MORC2: variants seen among roughly 807,000 people sequenced by gnomAD.
MORC2 encodes ATPase MORC2.
Under a neutral mutation model 136.0 loss-of-function variants are expected in MORC2, and 30 were observed. The ratio of observed to expected loss-of-function variants is 0.22; its 90% CI spans 0.17 to 0.30. The LOEUF (loss-of-function observed/expected upper bound fraction) is 0.30, where lower values mean the gene tolerates loss of function less well. Among genes scored for constraint, MORC2 ranks in the 10% least tolerant of loss-of-function variants. MORC2 has a pLI of 1.00. For missense variants in MORC2, 922 were observed against 1,333.1 expected (o/e 0.69, Z 4.80); for synonymous variants, 439 against 487.0 (o/e 0.90, Z 1.30).
intron 1 of MORC2, among the ~76,000 whole-genome samples, chr22:30,965,411 T>C (rs945837799): frequency 1.3e-5 from 2 of 152,212 alleles, no homozygotes; most frequent in Non-Finnish European, 2.9e-5. Flanking sequence ...AAAATTTATT[T>C]TCTCTATAAA....
At chr22:30,950,284 G>A in intron 4 of MORC2, 93 bp downstream of exon 4, 1 of 1,312,218 alleles carries the variant, frequency 7.6e-7, no homozygotes, top group Non-Finnish European at 1.1e-6. Context: ...TAACATTGGA[G>A]GCAACAGAAA....
chr22:30,935,116 C>T lies in MORC2; in HGVS notation c.1858G>A (p.Ala620Thr), dbSNP rs1459400105. The T allele has an allele frequency of 6.2e-7, 1 of 1,613,550 alleles. No homozygotes were observed. The highest frequency in any genetic ancestry group is 8.5e-7 in the Non-Finnish European group (1 of 1,179,842). The change falls in exon 19 of 26, where the codon GCT (alanine) becomes ACT (threonine). Residue 620 changes from alanine to threonine, a missense_variant. Ala to Thr is a moderately conservative substitution (Grantham distance 58). Transcript: ENST00000397641. The part of the protein sequence containing the change: ...PQRPRSPPLP[A>T]VIRNAPSRPP... ...CTGCTGGGGGCGTTCCTGATCACAG[C>T]AGGTAAAGGGGGCGACCGAGGACGC...
chr22:30,927,796 C>T (rs1055269719), intron 25 of MORC2, among the ~76,000 whole-genome samples: 13 of 152,298 alleles, frequency 8.5e-5, no homozygotes, highest in South Asian at 2.1e-4. Context: ...GGTTGTACGT[C>T]GGAATGTCTA....
rs774485829 is a variant in MORC2 at position 30,946,325 on chromosome 22, C to T, written c.426+16G>A. 35 of 1,590,110 alleles carry T rather than the reference C, an allele frequency of 2.2e-5. 1 individual carries two copies. In the South Asian group the frequency reaches 3.1e-4, roughly 14 times the overall value. Reference sequence around the variant, plus strand: ...AAATGAGGACTGGTGATGCAGACCACGATGATGGGACCTACTTCATCAATG... The same window carrying T: ...AAATGAGGACTGGTGATGCAGACCATGATGATGGGACCTACTTCATCAATG... On this transcript the variant is annotated intron_variant, in intron 6 of 25. Coordinates refer to ENST00000397641, the MANE Select transcript of MORC2 (RefSeq NM_001303256.3).
Position 30,942,247 on chromosome 22 carries a change from T to G in MORC2, c.451A>C (p.Asn151His). 6.2e-7 allele frequency: 1 copy of G among 1,612,768 alleles called. No individual in the cohort carries two copies. Among genetic ancestry groups the G allele is most frequent in the Non-Finnish European group, 8.5e-7 (1 of 1,179,990 alleles). Residue 151 changes from asparagine (N) to histidine (H), a missense_variant, in exon 7 of 26, where the codon AAT (asparagine) becomes CAT (histidine). Physicochemically the swap from Asn to His is moderately conservative, Grantham distance 68. Around this residue, in one of 9 missense-constraint regions of MORC2, gnomAD observed 261 missense variants for 354.3 expected, o/e 0.74. Coordinates refer to ENST00000397641, the MANE Select transcript of MORC2 (RefSeq NM_001303256.3). ...GTGACAGGTTCCCGGGTCCGAGCAT[T>G]CCAGGTGGGCAGTGGGACTATCACC... ...DEVIVPLPTW[N>H]ARTREPVTDN...
At chr22:30,951,182 C>G (rs1194521910) in intron 3 of MORC2, among the ~76,000 whole-genome samples, 1 of 152,218 alleles carries the variant, frequency 6.6e-6, no homozygotes, top group East Asian at 1.9e-4. Flanking sequence ...TGCACAGCAG[C>G]TGTGGTGGGG....
In MORC2 at chr22:30,934,914, C is replaced by G; in HGVS notation, c.2060G>C (p.Arg687Pro). ...CAGTTGCTGCACCAGAGGGGCAGGTCGGGATGCAGTCTTGACGAGAGTGTT... is the reference window on the plus strand; with the variant it reads ...CAGTTGCTGCACCAGAGGGGCAGGTGGGGATGCAGTCTTGACGAGAGTGTT... ...PANTLVKTAS[R>P]PAPLVQQLSP... The change falls in exon 19 of 26, where the codon CGA becomes CCA. Residue 687 changes from arginine (R) to proline (P), a missense_variant. Arg to Pro is a moderately radical substitution (Grantham distance 103). Around this residue, in one of 9 missense-constraint regions of MORC2, gnomAD observed 184 missense variants for 180.3 expected, o/e 1.02. Transcript: ENST00000397641. The surrounding 1 kb of genome is among the most constrained non-coding windows in gnomAD (Gnocchi z 4.4). The G allele has an allele frequency of 6.2e-7, 1 of 1,614,038 alleles. No individual in the cohort carries two copies. Among genetic ancestry groups the G allele is most frequent in the Non-Finnish European group, 8.5e-7 (1 of 1,180,008 alleles).
In MORC2 at chr22:30,965,811, T is replaced by TA. The variant is rs140039399; in HGVS notation, c.68+2010dup. Among the ~76,000 whole-genome samples the TA allele has an allele frequency of 7.1e-4, 108 of 152,344 alleles. 2 individuals are homozygous for TA. In the East Asian group the frequency reaches 0.013, roughly 19 times the overall value. ...TCCTTAGAGATTCATTGAGATAAAC[T>TA]AAAATTGAAGACTTTTAAACTGTGA... On this transcript the variant is annotated intron_variant, in intron 1 of 25. Coordinates refer to ENST00000397641, the MANE Select transcript of MORC2 (RefSeq NM_001303256.3).
At position 30,932,470 on chromosome 22, in the gene MORC2, A is replaced by C. The variant is rs1259536258; in HGVS notation, c.2748-18T>G. ...AACAATTCCTAAAGAAGGCAGGGAC[A>C]GTAATTCAGAATGGCATGGAGCAGG... On this transcript the variant is annotated intron_variant, in intron 23 of 25. Transcript: ENST00000397641. The surrounding 1 kb of genome is among the most constrained non-coding windows in gnomAD (Gnocchi z 4.4). 1.2e-6 allele frequency: 2 copies of C among 1,613,132 alleles called. No homozygotes were observed. Among genetic ancestry groups the C allele is most frequent in the East Asian group, 2.2e-5 (1 of 44,894 alleles).
Position 30,968,010 on chromosome 22 carries a change from T to A in MORC2, c.-121A>T. 1.2e-6 allele frequency: 1 copy of A among 845,092 alleles called. No homozygotes were observed. Among genetic ancestry groups the A allele is most frequent in the Non-Finnish European group, 1.9e-6 (1 of 523,468 alleles). The allele number at this position is 845,092 out of a possible 1,614,324, so 52.3% of individuals were successfully genotyped here. On this transcript the variant is annotated 5_prime_UTR_variant, in exon 1 of 26. Transcript: ENST00000397641. ...GTAAGTCTGTGCTCCTTAATGACAG[T>A]TAAAGTAACCTAGTAGCTATCCAAA... is the stretch of plus-strand genomic sequence containing the variant.
Position 30,946,417 on chromosome 22 carries a change from A to T in MORC2, c.350T>A (p.Leu117Gln). 1.2e-6 allele frequency: 2 copies of T among 1,611,294 alleles called. No individual in the cohort carries two copies. The highest frequency in any genetic ancestry group is 1.7e-4 in the Middle Eastern group (1 of 6,054). Reference sequence around the variant, plus strand: ...CATGGTGTCTTCCTTCTTGGTGAACAGGATAAAATCCTTCCCAATGCGCAT... The same window carrying T: ...CATGGTGTCTTCCTTCTTGGTGAACTGGATAAAATCCTTCCCAATGCGCAT... Reference protein sequence around the residue: ...GSMRIGKDFILFTKKEDTMTC... With the variant: ...GSMRIGKDFIQFTKKEDTMTC... Residue 117 changes from leucine to glutamine, a missense_variant, in exon 6 of 26, where the codon CTG becomes CAG. By Grantham distance (113) the Leu-to-Gln change is moderately radical (BLOSUM62 -2). Transcript: ENST00000397641.
Position 30,928,084 on chromosome 22 carries a change from C to A in MORC2, c.2965G>T (p.Glu989Ter). 1 of 1,614,116 alleles carries A rather than the reference C, an allele frequency of 6.2e-7. No homozygotes were observed. The highest frequency in any genetic ancestry group is 8.5e-7 in the Non-Finnish European group (1 of 1,180,032). ...AGCTTCTGCAGCTTCTCCTCCGTCT[C>A]GCGGAGCTTCCTCTCGGAGGTGCGC... ...SLRTSERKLR[E>*]TEEKLQKLRT... The change falls in exon 25 of 26, where the codon GAG becomes TAG. Residue 989 changes from glutamate to a stop codon, truncating the protein, a stop_gained. Transcript: ENST00000397641. LOFTEE classifies it high-confidence loss of function.
In MORC2 at chr22:30,956,958, C is replaced by T. The variant is rs376947624; in HGVS notation, c.123-161G>A. ...GAATTTTTTTTACTTTTATACTTGA[C>T]AACACAATTTTCTTTATATATCTGT... On this transcript the variant is annotated intron_variant, in intron 2 of 25. Transcript: ENST00000397641. 2.6e-5 allele frequency among the ~76,000 whole-genome samples: 4 copies of T among 152,252 alleles called. No homozygotes were observed. In the South Asian group the frequency reaches 8.3e-4, roughly 32 times the overall value.
At chr22:30,960,488 A>T (rs1032815124) in intron 1 of MORC2, among the ~76,000 whole-genome samples, 2 of 151,480 alleles carry the variant, frequency 1.3e-5, no homozygotes, top group Non-Finnish European at 1.5e-5. Context: ...AGATTTATTT[A>T]TTTATTTATT....
intron 24 of MORC2, among the ~76,000 whole-genome samples, chr22:30,931,569 C>T (rs1448802534): frequency 6.6e-6 from 1 of 152,240 alleles, no homozygotes; most frequent in Non-Finnish European, 1.5e-5. Flanking sequence ...TAAATGCTCA[C>T]CACACAGCCT....
In MORC2 at chr22:30,941,547, C is replaced by G; in HGVS notation, c.710G>C (p.Arg237Pro). Residue 237 changes from arginine (R) to proline (P), a missense_variant, in exon 9 of 26, where the codon CGG (arginine) becomes CCG (proline). Coordinates refer to ENST00000397641, the MANE Select transcript of MORC2 (RefSeq NM_001303256.3). This position sits in a 1 kb window ranked among gnomAD's most constrained non-coding sequence, Gnocchi z 4.6. ...ETSPEGTKPE[R>P]RSFRAYAAVL... ...AGCGGCATAGGCACGGAACGAGCGC[C>G]GCTCTGGCTTCCTGGAGAGGGCAAA... 6.2e-7 allele frequency: 1 copy of G among 1,613,320 alleles called. No homozygotes were observed. The highest frequency in any genetic ancestry group is 1.7e-4 in the Middle Eastern group (1 of 6,058).
intron 3 of MORC2, among the ~76,000 whole-genome samples, chr22:30,955,504 AC>A (rs1281110858): frequency 6.6e-6 from 1 of 152,120 alleles, no homozygotes; most frequent in African/African-American, 2.4e-5. Context: ...TAATTATATG[AC>A]ATTAGTGGTT....
chr22:30,960,792 G>GA (rs1286884733), intron 1 of MORC2, among the ~76,000 whole-genome samples: 1 of 119,136 alleles, frequency 8.4e-6, no homozygotes, highest in East Asian at 2.5e-4. Flanking sequence ...CACCCGGCTG[G>GA]AAAAGACAGA....
At chr22:30,933,902 C>G (rs921244803) in intron 20 of MORC2, among the ~76,000 whole-genome samples, 158 bp downstream of exon 20, 2 of 151,370 alleles carry the variant, frequency 1.3e-5, no homozygotes, top group African/African-American at 4.9e-5. Flanking sequence ...CGAATATAAA[C>G]AGAGTTGGTG....
Sources: gnomAD v4.1 joint callset for allele counts (sites outside exome capture counted in the v4.1 genomes callset) on GRCh38, gnomAD v4.1.1 for gene constraint, gnomAD v4.1.1 regional missense constraint, Gnocchi (gnomAD v3.1) non-coding constraint, MANE v1.5 for transcripts, NCBI Gene and HGNC (gene_info 2026-07-23, HGNC 2026-07-21) for gene names.